Variants in LIN9 observed in about 807,000 individuals in gnomAD.
LIN9 encodes lin-9 DREAM MuvB core complex component, also known as protein lin-9 homolog.
In LIN9, 18 loss-of-function variants were observed where a neutral mutation model predicts 78.0. The ratio of observed to expected loss-of-function variants is 0.23; its 90% CI spans 0.16 to 0.34. The LOEUF (loss-of-function observed/expected upper bound fraction) is 0.34. Among genes scored for constraint, LIN9 ranks in the 10% least tolerant of loss-of-function variants. The probability of loss-of-function intolerance (pLI) is 1.00; values close to 1 mark genes in which losing one functional copy is unlikely to be tolerated. For synonymous variants in LIN9, 192 were observed against 215.2 expected (o/e 0.89, Z 0.94); for missense variants, 451 against 644.1 (o/e 0.70, Z 3.25).
intron 6 of LIN9, among the ~76,000 whole-genome samples, chr1:226,279,938 T>C (rs997894454): frequency 3.9e-5 from 6 of 152,208 alleles, no homozygotes; most frequent in Admixed American, 3.9e-4. Flanking sequence ...AAATTGTGCC[T>C]GGAATCTAGA....
chr1:226,275,713 G>GA (rs1203565721), intron 7 of LIN9, among the ~76,000 whole-genome samples: 7 of 100,898 alleles, frequency 6.9e-5, no homozygotes, highest in African/African-American at 1.8e-4. Flanking sequence ...AAAAAAAAAA[G>GA]AAAAAAAGAA....
At chr1:226,305,315 G>GAAAAAAAAAAAAAAAAAAA (rs111859953) in intron 1 of LIN9, among the ~76,000 whole-genome samples, 1 of 77,484 alleles carries the variant, frequency 1.3e-5, no homozygotes, top group Non-Finnish European at 2.6e-5. Context: ...ACAAAAAAAA[G>GAAAAAAAAAAAAAAAAAAA]AAAAAAAAAA....
intron 11 of LIN9, among the ~76,000 whole-genome samples, chr1:226,241,000 G>C (rs1558155290): frequency 6.6e-6 from 1 of 152,176 alleles, no homozygotes; most frequent in Non-Finnish European, 1.5e-5. Context: ...AAGCCAGTTT[G>C]CATCAGTTAG....
At chr1:226,270,824 CAAAAAAA>C (rs764106581) in intron 7 of LIN9, among the ~76,000 whole-genome samples, 2 of 22,170 alleles carry the variant, frequency 9.0e-5, no homozygotes, top group Non-Finnish European at 2.7e-4. Flanking sequence ...GACTCTGTCT[CAAAAAAA>C]AAAAAAAAAA....
chr1:226,292,025 G>T (rs1284466528), intron 4 of LIN9, among the ~76,000 whole-genome samples: 2 of 152,106 alleles, frequency 1.3e-5, no homozygotes, highest in Admixed American at 1.3e-4. Flanking sequence ...CACAAAAAGT[G>T]TTATTTCTTT....
chr1:226,280,790 AC>A (rs1213087690), intron 6 of LIN9, among the ~76,000 whole-genome samples: 1 of 152,068 alleles, frequency 6.6e-6, no homozygotes, highest in African/African-American at 2.4e-5. Context: ...AAACACATAA[AC>A]AAAAAAAACC....
intron 7 of LIN9, among the ~76,000 whole-genome samples, chr1:226,270,275 G>GC (rs1231115309): frequency 6.6e-6 from 1 of 151,936 alleles, no homozygotes; most frequent in Non-Finnish European, 1.5e-5. Context: ...TGGAAATCAA[G>GC]TTTAATAATA....
chr1:226,305,315 G>GAAAAAAAAAAAAAAAAAAAAAAAAAAA (rs111859953), intron 1 of LIN9, among the ~76,000 whole-genome samples: 1 of 77,502 alleles, frequency 1.3e-5, no homozygotes, highest in African/African-American at 4.9e-5. Flanking sequence ...ACAAAAAAAA[G>GAAAAAAAAAAAAAAAAAAAAAAAAAAA]AAAAAAAAAA....
In LIN9 at chr1:226,232,480, T is replaced by C. The variant is rs1483630346; in HGVS notation, c.*21A>G. 5 of 1,504,920 alleles carry C rather than the reference T, an allele frequency of 3.3e-6. No homozygotes were observed. Among genetic ancestry groups the C allele is most frequent in the East Asian group, 2.3e-5 (1 of 44,264 alleles). The allele number at this position is 1,504,920 out of a possible 1,614,324, so 93.2% of individuals were successfully genotyped here. ...TTCTCAAAAACAATGTCCCGTGCAGTTGGAATAATGAAATCTTTACTCAGT... is the reference window on the plus strand; with the variant it reads ...TTCTCAAAAACAATGTCCCGTGCAGCTGGAATAATGAAATCTTTACTCAGT... On this transcript the variant is annotated 3_prime_UTR_variant, in exon 15 of 15. Coordinates refer to ENST00000681046, the MANE Select transcript of LIN9 (RefSeq NM_001366245.2).
At chr1:226,289,024 G>C (rs966833301) in intron 4 of LIN9, among the ~76,000 whole-genome samples, 2 of 152,116 alleles carry the variant, frequency 1.3e-5, no homozygotes, top group African/African-American at 4.8e-5. Flanking sequence ...GGATCACAAG[G>C]TCAGGAGCTC....
chr1:226,250,250 T>G (rs1658747086), intron 11 of LIN9, among the ~76,000 whole-genome samples: 1 of 151,916 alleles, frequency 6.6e-6, no homozygotes, highest in African/African-American at 2.4e-5. Flanking sequence ...AGATAATAAA[T>G]TAGGATATAA....
intron 2 of LIN9, 26 bp downstream of exon 2, chr1:226,301,147 A>G (rs760372104): frequency 1.3e-6 from 2 of 1,563,562 alleles, no homozygotes; most frequent in Admixed American, 3.5e-5. Context: ...TAGCTATGGT[A>G]TACCTAAAAA....
intron 11 of LIN9, among the ~76,000 whole-genome samples, chr1:226,243,050 T>G (rs1489335568): frequency 6.6e-6 from 1 of 152,088 alleles, no homozygotes. Flanking sequence ...TTTAGGGGAG[T>G]CAAAAGGTAT....
At chr1:226,277,254 G>A (rs1660727667) in intron 7 of LIN9, among the ~76,000 whole-genome samples, 1 of 149,656 alleles carries the variant, frequency 6.7e-6, no homozygotes, top group African/African-American at 2.5e-5. Flanking sequence ...ATAATACATA[G>A]CTATACTTAC....
At chr1:226,246,780 G>A (rs60435592) in intron 11 of LIN9, among the ~76,000 whole-genome samples, 3,783 of 129,150 alleles carry the variant, frequency 0.029, 152 homozygotes, top group African/African-American at 0.1. Flanking sequence ...GTGACAGAGC[G>A]AGACTCTGTC....
At chr1:226,281,021 GTCCATCAACAGA>G (rs1374951391) in intron 6 of LIN9, among the ~76,000 whole-genome samples, 1 of 152,156 alleles carries the variant, frequency 6.6e-6, no homozygotes, top group Non-Finnish European at 1.5e-5. Flanking sequence ...CACCCTAAGC[GTCCATCAACAGA>G]TGAATGGAAT....
intron 7 of LIN9, 63 bp downstream of exon 7, chr1:226,277,712 C>CA: frequency 7.0e-7 from 1 of 1,426,492 alleles, no homozygotes; most frequent in Non-Finnish European, 9.6e-7. Flanking sequence ...ACCAAAGAAA[C>CA]AAAAAAGATT....
chr1:226,292,076 G>C (rs868735772), intron 4 of LIN9, among the ~76,000 whole-genome samples: 4 of 152,114 alleles, frequency 2.6e-5, no homozygotes, highest in Admixed American at 1.3e-4. Context: ...AGGGTATATA[G>C]GGTATTAGCA....
chr1:226,243,382 G>T (rs1576281057), intron 11 of LIN9, among the ~76,000 whole-genome samples: 1 of 152,132 alleles, frequency 6.6e-6, no homozygotes, highest in African/African-American at 2.4e-5. Flanking sequence ...ATGTTACATA[G>T]TATAAAATTT....
Sources: allele counts gnomAD v4.1 joint callset (sites outside exome capture counted in the v4.1 genomes callset), GRCh38; gene constraint gnomAD v4.1.1; transcripts MANE v1.5; gene names NCBI Gene and HGNC (gene_info 2026-07-23, HGNC 2026-07-21).